The following RASAL2 variants were observed in gnomAD, a reference collection of about 807,000 sequenced individuals.
The protein encoded by RASAL2 is RAS protein activator like 2, also known as ras GTPase-activating protein nGAP.
A neutral mutation model predicts 128.9 loss-of-function variants in RASAL2; 58 were observed. That is an observed-to-expected ratio of 0.45 (90% CI 0.36 to 0.56). The LOEUF (loss-of-function observed/expected upper bound fraction) is 0.56. Ranked by LOEUF, RASAL2 falls within the 20% of genes least tolerant of loss-of-function variation. RASAL2 has a pLI of 0.00. For missense variants in RASAL2, 1,360 were observed against 1,601.6 expected, an observed-to-expected ratio of 0.85 and a Z score of 2.57; for synonymous variants, 561 against 580.8, an observed-to-expected ratio of 0.97 and a Z score of 0.49.
intron 3 of RASAL2, among the ~76,000 whole-genome samples, chr1:178,367,882 C>T (rs1273220024): frequency 6.6e-6 from 1 of 152,262 alleles, no homozygotes; most frequent in East Asian, 1.9e-4. Context: ...TCCGGACATA[C>T]ATTAAGTACT....
chr1:178,129,797 A>G (rs1258983345), intron 1 of RASAL2, among the ~76,000 whole-genome samples: 2 of 152,114 alleles, frequency 1.3e-5, no homozygotes, highest in African/African-American at 2.4e-5. Context: ...TAGCCTGTGG[A>G]TATCCAATTA....
At chr1:178,418,789 C>A (rs1435562282) in intron 4 of RASAL2, among the ~76,000 whole-genome samples, 1 of 152,100 alleles carries the variant, frequency 6.6e-6, no homozygotes, top group Non-Finnish European at 1.5e-5. Flanking sequence ...GATATGGTCA[C>A]GTGATTGTTT....
At chr1:178,210,543 G>A (rs1456302475) in intron 1 of RASAL2, among the ~76,000 whole-genome samples, 1 of 152,198 alleles carries the variant, frequency 6.6e-6, no homozygotes, top group East Asian at 1.9e-4. Flanking sequence ...CAAACCTGCT[G>A]TGAAGTGCCA....
At chr1:178,403,106 G>T (rs1005832057) in intron 4 of RASAL2, among the ~76,000 whole-genome samples, 1 of 152,044 alleles carries the variant, frequency 6.6e-6, no homozygotes, top group African/African-American at 2.4e-5. Context: ...TATAGAGTAT[G>T]TATGACATTC....
At chr1:178,461,035 A>C (rs1404249403) in intron 14 of RASAL2, among the ~76,000 whole-genome samples, 1 of 151,940 alleles carries the variant, frequency 6.6e-6, no homozygotes, top group South Asian at 2.1e-4. Flanking sequence ...GTTGGTCTTG[A>C]ACTCCTGACC....
intron 5 of RASAL2, among the ~76,000 whole-genome samples, chr1:178,421,521 A>G (rs1422484957): frequency 6.6e-6 from 1 of 150,664 alleles, no homozygotes; most frequent in Non-Finnish European, 1.5e-5. Flanking sequence ...TATTATCCTC[A>G]TTTTATAGAT....
intron 1 of RASAL2, among the ~76,000 whole-genome samples, chr1:178,163,907 G>A (rs1160709024): frequency 1.3e-5 from 2 of 152,062 alleles, no homozygotes; most frequent in Non-Finnish European, 2.9e-5. Context: ...CCATGAATGG[G>A]ATTGTCTTTT....
intron 1 of RASAL2, among the ~76,000 whole-genome samples, chr1:178,266,973 T>G (rs1282210422): frequency 6.6e-6 from 1 of 152,110 alleles, no homozygotes; most frequent in Non-Finnish European, 1.5e-5. Context: ...TGGCTGGCAT[T>G]TGTATATCAA....
chr1:178,387,491 A>T (rs1019893617), intron 3 of RASAL2, among the ~76,000 whole-genome samples: 1 of 152,050 alleles, frequency 6.6e-6, no homozygotes, highest in African/African-American at 2.4e-5. Flanking sequence ...ATCATTTAGC[A>T]TTAGGTATAT....
At chr1:178,249,813 A>C (rs1203774962) in intron 1 of RASAL2, among the ~76,000 whole-genome samples, 1 of 152,080 alleles carries the variant, frequency 6.6e-6, no homozygotes, top group Non-Finnish European at 1.5e-5. Flanking sequence ...TGTTTCTTCT[A>C]ACAGGCCTCT....
At chr1:178,461,127 C>G (rs1678166714) in intron 14 of RASAL2, among the ~76,000 whole-genome samples, 1 of 152,044 alleles carries the variant, frequency 6.6e-6, no homozygotes, top group Non-Finnish European at 1.5e-5. Context: ...TTTTTTATTT[C>G]TTATCTGTTT....
chr1:178,380,233 C>G (rs1177932840), intron 3 of RASAL2, among the ~76,000 whole-genome samples: 3 of 152,138 alleles, frequency 2.0e-5, no homozygotes, highest in Non-Finnish European at 2.9e-5. Flanking sequence ...AAGGAAAATC[C>G]TCAAAACTTT....
chr1:178,109,110 T>A lies in RASAL2; in HGVS notation c.202+14416T>A, dbSNP rs1405888174. Among the ~76,000 whole-genome samples, 6 of 152,164 alleles carry A rather than the reference T, an allele frequency of 3.9e-5. No homozygotes were observed. The East Asian group carries it at 1.2e-3, about 29-fold the overall frequency. On this transcript the variant is annotated intron_variant, in intron 1 of 17. Coordinates refer to ENST00000367649, the MANE Select transcript of RASAL2 (RefSeq NM_170692.4). ...AGTTGTATTCATCTGGGACATAGCT[T>A]TATTTACTCCAGGATTTATTCAGGT...
At chr1:178,431,466 A>G (rs1675895189) in intron 5 of RASAL2, among the ~76,000 whole-genome samples, 1 of 152,132 alleles carries the variant, frequency 6.6e-6, no homozygotes, top group Non-Finnish European at 1.5e-5. Context: ...TAGCAGGTAG[A>G]AACATGCACT....
intron 3 of RASAL2, among the ~76,000 whole-genome samples, chr1:178,351,133 T>G (rs1195712261): frequency 6.6e-6 from 1 of 152,124 alleles, no homozygotes; most frequent in East Asian, 1.9e-4. Flanking sequence ...TGCATGGTGT[T>G]AAACCATGAG....
At chr1:178,349,001 G>A (rs1319006786) in intron 3 of RASAL2, among the ~76,000 whole-genome samples, 1 of 150,596 alleles carries the variant, frequency 6.6e-6, no homozygotes, top group Non-Finnish European at 1.5e-5. Flanking sequence ...GGCTTTCAAC[G>A]TGTTAGCCAG....
chr1:178,423,291 G>T (rs1419898478), intron 5 of RASAL2, among the ~76,000 whole-genome samples: 1 of 152,042 alleles, frequency 6.6e-6, no homozygotes, highest in African/African-American at 2.4e-5. Flanking sequence ...TGTACTGGTG[G>T]CTGGGTTGGA....
rs550574113 is a variant in RASAL2, at chr1:178,443,313, A to G, written c.1482+84A>G. ...AGATATGGATATTGTAGAAATCCAA[A>G]TTAGAGAAATGTGCTTTACTATTGG... is the stretch of plus-strand genomic sequence containing the variant. On this transcript the variant is annotated intron_variant, in intron 8 of 17. Coordinates refer to ENST00000367649, the MANE Select transcript of RASAL2 (RefSeq NM_170692.4). 14 of 1,251,194 alleles carry G rather than the reference A, an allele frequency of 1.1e-5. 1 individual carries two copies. The South Asian group carries it at 2.2e-4, about 20-fold the overall frequency. The allele number at this position is 1,251,194 out of a possible 1,614,324, so 77.5% of individuals were successfully genotyped here.
rs1557992965 is a variant in RASAL2 at position 178,442,711 on chromosome 1, T to C, written c.964T>C (p.Trp322Arg). 6.2e-7 allele frequency: 1 copy of C among 1,612,924 alleles called. No individual in the cohort carries two copies. Among genetic ancestry groups the C allele is most frequent in the Non-Finnish European group, 8.5e-7 (1 of 1,179,486 alleles). ...CRRAENVLRL[W>R]IIEAKDLAPK... is the part of the protein sequence containing the mutation. ...GCGAGCTGAAAATGTTCTTCGTTTA[T>C]GGATCATTGAAGCCAAGGACCTTGC... The change falls in exon 8 of 18, where the codon TGG becomes CGG. Residue 322 changes from tryptophan to arginine, a missense_variant. By Grantham distance (101) the Trp-to-Arg change is moderately radical. Coordinates refer to ENST00000367649, the MANE Select transcript of RASAL2 (RefSeq NM_170692.4).
Sources: gnomAD v4.1 joint callset for allele counts (sites outside exome capture counted in the v4.1 genomes callset) on GRCh38, gnomAD v4.1.1 for gene constraint, MANE v1.5 for transcripts, NCBI Gene and HGNC (gene_info 2026-07-23, HGNC 2026-07-21) for gene names.